The following POT1 variants were observed in gnomAD, a reference collection of about 807,000 sequenced individuals.
POT1 encodes protection of telomeres protein 1.
A neutral mutation model predicts 78.5 loss-of-function variants in POT1; 47 were observed. The ratio of observed to expected loss-of-function variants is 0.60; its 90% CI spans 0.47 to 0.76. The LOEUF is 0.76. Among genes scored for constraint, POT1 ranks in the 30% least tolerant of loss-of-function variants. POT1 has a pLI of 0.00. For missense variants in POT1, 646 were observed against 749.9 expected (o/e 0.86, Z 1.62); for synonymous variants, 259 against 260.7 (o/e 0.99, Z 0.06).
chr7:124,926,709 T>TA (rs1222890839), intron 2 of POT1, among the ~76,000 whole-genome samples: 1 of 152,098 alleles, frequency 6.6e-6, no homozygotes, highest in Non-Finnish European at 1.5e-5. Context: ...GGACTGGATT[T>TA]AAAAAGTCAC....
chr7:124,865,253 TCAC>T (rs2116547852), intron 7 of POT1, among the ~76,000 whole-genome samples: 1 of 152,272 alleles, frequency 6.6e-6, no homozygotes, highest in African/African-American at 2.4e-5. Context: ...CTCAATGGTT[TCAC>T]ATTGAGAAAG....
At chr7:124,900,573 T>A (rs1796594167) in intron 3 of POT1, among the ~76,000 whole-genome samples, 1 of 152,020 alleles carries the variant, frequency 6.6e-6, no homozygotes. Flanking sequence ...ACTCTACAGC[T>A]CCCAGTGTGA....
chr7:124,846,671 T>A (rs1355227301), intron 12 of POT1, among the ~76,000 whole-genome samples: 1 of 151,372 alleles, frequency 6.6e-6, no homozygotes, highest in East Asian at 2.0e-4. Context: ...AAATACATCA[T>A]GTATTTAATG....
At chr7:124,875,908 C>T (rs1434369028) in intron 6 of POT1, among the ~76,000 whole-genome samples, 2 of 151,922 alleles carry the variant, frequency 1.3e-5, no homozygotes, top group Non-Finnish European at 2.9e-5. Context: ...TATTTACATA[C>T]CAAAATTTAC....
In POT1 at chr7:124,924,361, T is replaced by C. The variant is rs560777928; in HGVS notation, c.-227+4454A>G. Reference sequence around the variant, plus strand: ...ACTACTATGTATAACTATATGCCCATAAACTAGAAAACCAAGAGAAAATGG... The same window carrying C: ...ACTACTATGTATAACTATATGCCCACAAACTAGAAAACCAAGAGAAAATGG... On this transcript the variant is annotated intron_variant, in intron 2 of 18. Coordinates refer to ENST00000357628, the MANE Select transcript of POT1 (RefSeq NM_015450.3). 3.5e-3 allele frequency among the ~76,000 whole-genome samples: 532 copies of C among 151,934 alleles called. 3 individuals are homozygous for C. Among genetic ancestry groups the C allele is most frequent in the Non-Finnish European group, 3.8e-3 (257 of 67,874 alleles).
intron 6 of POT1, among the ~76,000 whole-genome samples, chr7:124,887,351 T>C (rs983491451): frequency 1.3e-5 from 2 of 152,148 alleles, no homozygotes; most frequent in African/African-American, 4.8e-5. Context: ...AGGCTTAGTA[T>C]GAGGTTTATT....
chr7:124,835,009 T>A (rs531377796), intron 15 of POT1, among the ~76,000 whole-genome samples: 104 of 152,008 alleles, frequency 6.8e-4, no homozygotes, highest in Non-Finnish European at 1.4e-3. Context: ...AACCAAACAC[T>A]GCATGTTCTC....
At chr7:124,907,568 AG>A (rs1430126568) in intron 3 of POT1, among the ~76,000 whole-genome samples, 1 of 152,132 alleles carries the variant, frequency 6.6e-6, no homozygotes, top group Non-Finnish European at 1.5e-5. Context: ...ATACTCTATA[AG>A]GTACTATAAT....
chr7:124,887,870 T>C (rs1369361979), intron 6 of POT1, among the ~76,000 whole-genome samples: 1 of 152,142 alleles, frequency 6.6e-6, no homozygotes, highest in African/African-American at 2.4e-5. Flanking sequence ...CTTTATTACC[T>C]CACAATAAAC....
intron 3 of POT1, among the ~76,000 whole-genome samples, chr7:124,906,408 A>G (rs1004912646): frequency 1.3e-5 from 2 of 148,370 alleles, no homozygotes; most frequent in African/African-American, 4.9e-5. Flanking sequence ...CAATCACCAC[A>G]TGTTCTCACC....
At chr7:124,867,610 C>A (rs573959051) in intron 7 of POT1, among the ~76,000 whole-genome samples, 1 of 151,712 alleles carries the variant, frequency 6.6e-6, no homozygotes, top group East Asian at 1.9e-4. Context: ...ATTAGAAAGG[C>A]CTTTCCTGAT....
intron 12 of POT1, 51 bp downstream of exon 12, chr7:124,846,891 C>T: frequency 7.6e-7 from 1 of 1,321,728 alleles, no homozygotes. Flanking sequence ...TAGAGGCAGA[C>T]TTTATTATGC....
chr7:124,834,413 C>T (rs184841201), intron 15 of POT1, among the ~76,000 whole-genome samples: 1 of 151,932 alleles, frequency 6.6e-6, no homozygotes, highest in African/African-American at 2.4e-5. Context: ...AAAAAACAAC[C>T]CCATCAAAAA....
At chr7:124,920,429 A>G (rs1008042162) in intron 2 of POT1, among the ~76,000 whole-genome samples, 2 of 152,190 alleles carry the variant, frequency 1.3e-5, no homozygotes, top group African/African-American at 2.4e-5. Context: ...AGTTGGCAAA[A>G]CAGCTAACTA....
chr7:124,889,250 T>C (rs140376292), intron 6 of POT1, among the ~76,000 whole-genome samples: 2 of 152,136 alleles, frequency 1.3e-5, no homozygotes, highest in Non-Finnish European at 2.9e-5. Context: ...CAGTACAACA[T>C]TCCCTTAAGC....
At chr7:124,919,212 A>T (rs1797088160) in intron 2 of POT1, among the ~76,000 whole-genome samples, 1 of 152,094 alleles carries the variant, frequency 6.6e-6, no homozygotes, top group Non-Finnish European at 1.5e-5. Flanking sequence ...ACATATAAAA[A>T]CCTAGAAAAG....
chr7:124,851,535 G>T (rs933058844), intron 11 of POT1, among the ~76,000 whole-genome samples: 1 of 152,164 alleles, frequency 6.6e-6, no homozygotes, highest in South Asian at 2.1e-4. Flanking sequence ...TGGGTTATGC[G>T]AAATAAGTGG....
intron 11 of POT1, among the ~76,000 whole-genome samples, chr7:124,849,224 T>C (rs1795244432): frequency 6.6e-6 from 1 of 152,024 alleles, no homozygotes; most frequent in Non-Finnish European, 1.5e-5. Context: ...CATTACAACA[T>C]GAGATGGAAA....
chr7:124,878,861 T>C (rs913072299), intron 6 of POT1, among the ~76,000 whole-genome samples: 2 of 151,900 alleles, frequency 1.3e-5, no homozygotes, highest in African/African-American at 4.8e-5. Context: ...GAAGAGAATA[T>C]AAATGCTCAT....
Sources: gnomAD v4.1 joint callset for allele counts (sites outside exome capture counted in the v4.1 genomes callset) on GRCh38, gnomAD v4.1.1 for gene constraint, MANE v1.5 for transcripts, NCBI Gene and HGNC (gene_info 2026-07-23, HGNC 2026-07-21) for gene names.